The following TRIOBP variants were observed in gnomAD, a reference collection of about 807,000 sequenced individuals.
The protein encoded by TRIOBP is TRIO and F-actin binding protein.
Under a neutral mutation model 238.8 loss-of-function variants are expected in TRIOBP, and 169 were observed. The observed-to-expected ratio is 0.71, with a 90% confidence interval of 0.62 to 0.80. The LOEUF (loss-of-function observed/expected upper bound fraction) is 0.80, where lower values mean the gene tolerates loss of function less well. Among genes scored for constraint, TRIOBP ranks in the 30% least tolerant of loss-of-function variants. The pLI is 0.00. For missense variants in TRIOBP, 2,838 were observed against 3,122.6 expected (o/e 0.91, Z 2.17); for synonymous variants, 1,150 against 1,274.4 (o/e 0.90, Z 2.08).
At chr22:37,738,855 ATGG>A (rs1924807207) in intron 10 of TRIOBP, 136 bp downstream of exon 10, 2 of 926,774 alleles carry the variant, frequency 2.2e-6, no homozygotes, top group South Asian at 2.8e-5. Context: ...ATCTATGTGC[ATGG>A]TGGGGCCTTA....
At chr22:37,704,860 AGTT>A (rs1250664739) in intron 3 of TRIOBP, among the ~76,000 whole-genome samples, 1 of 149,164 alleles carries the variant, frequency 6.7e-6, no homozygotes, top group Non-Finnish European at 1.5e-5. Context: ...TGAACTCAGG[AGTT>A]TGAGACCAGC....
At chr22:37,710,367 A>AG in intron 3 of TRIOBP, 60 bp from the exon 4 acceptor site, 1 of 1,606,614 alleles carries the variant, frequency 6.2e-7, no homozygotes. Context: ...GGGGCTGTGC[A>AG]GGGGGAGGGG....
intron 11 of TRIOBP, among the ~76,000 whole-genome samples, chr22:37,749,094 C>T (rs1037134623): frequency 2.0e-5 from 3 of 152,086 alleles, no homozygotes; most frequent in East Asian, 1.9e-4. Context: ...CTTATGTGTG[C>T]CTGTAATCCC....
chr22:37,709,310 C>T lies in TRIOBP; in HGVS notation c.115-1117C>T, dbSNP rs1360019979. On this transcript the variant is annotated intron_variant, in intron 3 of 23. Transcript: ENST00000644935. ...CAGGGATCCCAGGCCCAGGCTCTTG[C>T]CCCTCCCGGCTCTCAGGTGAGCTGC... Among the ~76,000 whole-genome samples, 3 of 152,226 alleles carry T rather than the reference C, an allele frequency of 2.0e-5. 1 individual carries two copies. Among genetic ancestry groups the T allele is most frequent in the South Asian group, 4.1e-4 (2 of 4,832 alleles).
chr22:37,751,176 T>C (rs1355126266), intron 11 of TRIOBP: 1 of 410,606 alleles, frequency 2.4e-6, no homozygotes, highest in South Asian at 1.9e-5. Context: ...CCCGGGGCTG[T>C]GCCCCCCTGG....
intron 9 of TRIOBP, 59 bp downstream of exon 9, chr22:37,735,501 C>A: frequency 6.5e-7 from 1 of 1,532,564 alleles, no homozygotes; most frequent in East Asian, 2.4e-5. Context: ...TCAGCCAAGT[C>A]TCCTTGGAAA....
intron 6 of TRIOBP, among the ~76,000 whole-genome samples, chr22:37,721,017 C>G (rs898646154): frequency 7.4e-5 from 10 of 134,616 alleles, no homozygotes; most frequent in Non-Finnish European, 1.2e-4. Context: ...ACTACTGCAT[C>G]CGGCTAATTT....
chr22:37,733,330 A>C lies in TRIOBP; in HGVS notation c.3980A>C (p.Gln1327Pro). Reference sequence around the variant, plus strand: ...GAGGCAGCGGGGGCCTTCCAGGCCCAGGACGAGGGACGGTCACAGCAGCCC... The same window carrying C: ...GAGGCAGCGGGGGCCTTCCAGGCCCCGGACGAGGGACGGTCACAGCAGCCC... ...KSEAAGAFQA[Q>P]DEGRSQQPSQ... is the part of the protein sequence containing the mutation. Residue 1327 changes from glutamine (Q) to proline (P), a missense_variant, in exon 8 of 24, where the codon CAG becomes CCG. Coordinates refer to ENST00000644935, the MANE Select transcript of TRIOBP (RefSeq NM_001039141.3). 1 of 1,551,290 alleles carries C rather than the reference A, an allele frequency of 6.4e-7. No individual in the cohort carries two copies. Among genetic ancestry groups the C allele is most frequent in the Non-Finnish European group, 8.7e-7 (1 of 1,147,316 alleles).
Position 37,763,008 on chromosome 22 carries a change from A to G in TRIOBP, c.6325-2662A>G, listed in dbSNP as rs6000883. ...CAAAGGTGGCAGCCAGGATCAGGAC[A>G]CCTTGGGCCACTCAGGAAGGTAGGT... On this transcript the variant is annotated intron_variant, in intron 17 of 23. Transcript: ENST00000644935. 8.3e-3 allele frequency among the ~76,000 whole-genome samples: 1,265 copies of G among 152,086 alleles called. 17 individuals are homozygous for G. Among genetic ancestry groups the G allele is most frequent in the African/African-American group, 0.028 (1,176 of 41,454 alleles).
rs147201663 is a variant in TRIOBP, at chr22:37,747,036, C to G, written c.5323-4736C>G. Among the ~76,000 whole-genome samples, 7 of 152,346 alleles carry G rather than the reference C, an allele frequency of 4.6e-5. No homozygotes were observed. In the East Asian group the frequency reaches 1.4e-3, roughly 29 times the overall value. On this transcript the variant is annotated intron_variant, in intron 11 of 23. Transcript: ENST00000644935. ...TTGCAGCGGTCCTGGGGCCTTGGGACAAGCCTGCGAGTCTGAGTAGGGGGC... is the reference window on the plus strand; with the variant it reads ...TTGCAGCGGTCCTGGGGCCTTGGGAGAAGCCTGCGAGTCTGAGTAGGGGGC...
At chr22:37,771,772 C>A in intron 22 of TRIOBP, 36 bp downstream of exon 22, 1 of 1,598,864 alleles carries the variant, frequency 6.3e-7, no homozygotes, top group Non-Finnish European at 8.6e-7. Flanking sequence ...CCGTCGGGGA[C>A]TCTGGAGCCA....
chr22:37,722,418 ACT>A (rs1923878369), intron 6 of TRIOBP, among the ~76,000 whole-genome samples: 1 of 127,166 alleles, frequency 7.9e-6, no homozygotes, highest in Non-Finnish European at 1.6e-5. Flanking sequence ...ACAGAACGAG[ACT>A]CTGTCTCAAA....
At chr22:37,746,452 G>A (rs1925276118) in intron 11 of TRIOBP, 2 of 1,420,040 alleles carry the variant, frequency 1.4e-6, no homozygotes, top group East Asian at 3.1e-5. Context: ...CCGCGCCCGA[G>A]GCCGGGAGAA....
At chr22:37,751,859 C>T in intron 12 of TRIOBP, 31 bp downstream of exon 12, 2 of 1,416,380 alleles carry the variant, frequency 1.4e-6, no homozygotes, top group Non-Finnish European at 9.5e-7. Flanking sequence ...GGGGAGGAAG[C>T]TGGCTTGTGC....
chr22:37,733,666 C>CTTTTT (rs529942326), intron 8 of TRIOBP, among the ~76,000 whole-genome samples: 1 of 97,372 alleles, frequency 1.0e-5, no homozygotes, highest in African/African-American at 3.8e-5. Flanking sequence ...GCACTGCTGT[C>CTTTTT]TTTTTTTTTT....
chr22:37,738,653 G>A lies in TRIOBP; in HGVS notation c.5118G>A (p.Glu1706=), dbSNP rs941305519. ...TTTTTAATCTCCAGTTCCAACCAGA[G>A]GAGCCTGAGGAGTCAGAACCAAGCA... ...PSLPELQFQP[E]EPEESEPSRG... The change falls in exon 10 of 24, where the codon GAG becomes GAA. Residue 1706 remains glutamate, a synonymous_variant. Transcript: ENST00000644935. 2 of 1,613,826 alleles carry A rather than the reference G, an allele frequency of 1.2e-6. No individual in the cohort carries two copies. Among genetic ancestry groups the A allele is most frequent in the Non-Finnish European group, 8.5e-7 (1 of 1,179,974 alleles).
At chr22:37,710,288 T>G in intron 3 of TRIOBP, 139 bp from the exon 4 acceptor site, 1 of 1,336,058 alleles carries the variant, frequency 7.5e-7, no homozygotes, top group South Asian at 1.3e-5. Flanking sequence ...GCTTCTAGCC[T>G]GATGGGCAGC....
At chr22:37,750,117 C>T (rs955150916) in intron 11 of TRIOBP, among the ~76,000 whole-genome samples, 1 of 152,164 alleles carries the variant, frequency 6.6e-6, no homozygotes, top group African/African-American at 2.4e-5. Flanking sequence ...AGGGGAGGAC[C>T]GCCCCGTCAT....
chr22:37,748,603 A>G (rs1289130151), intron 11 of TRIOBP, among the ~76,000 whole-genome samples: 2 of 152,148 alleles, frequency 1.3e-5, no homozygotes, highest in Non-Finnish European at 2.9e-5. Flanking sequence ...TTTTTCTGCA[A>G]ACACTCCCTG....
Sources: gnomAD v4.1 joint callset for allele counts (sites outside exome capture counted in the v4.1 genomes callset) on GRCh38, gnomAD v4.1.1 for gene constraint, MANE v1.5 for transcripts, NCBI Gene and HGNC (gene_info 2026-07-23, HGNC 2026-07-21) for gene names.